CCDC149: variants seen among roughly 807,000 people sequenced by gnomAD.
CCDC149 encodes coiled-coil domain containing 149.
CCDC149 carries 45 observed loss-of-function variants against 59.9 expected under a neutral mutation model. That is an observed-to-expected ratio of 0.75 (90% CI 0.59 to 0.96). CCDC149 has a LOEUF of 0.96. Among genes scored for constraint, CCDC149 ranks in the 40% least tolerant of loss-of-function variants. The probability of loss-of-function intolerance (pLI) is 0.00; values close to 1 mark genes in which losing one functional copy is unlikely to be tolerated. For missense variants in CCDC149, 584 were observed against 664.7 expected (o/e 0.88, Z 1.33); for synonymous variants, 245 against 260.6 (o/e 0.94, Z 0.58).
At chr4:24,928,066 T>C (rs1185764292) in intron 1 of CCDC149, among the ~76,000 whole-genome samples, 5 of 152,246 alleles carry the variant, frequency 3.3e-5, no homozygotes, top group Non-Finnish European at 7.3e-5. Context: ...TTCGCTGTGA[T>C]TGAGCATTAG....
chr4:24,838,284 A>G lies in CCDC149; in HGVS notation c.373-12T>C. On this transcript the variant is annotated splice_polypyrimidine_tract_variant and intron_variant, in intron 4 of 12. Coordinates refer to ENST00000635206, the MANE Select transcript of CCDC149 (RefSeq NM_001330643.2). ...GTCATCCTCAAGAGCTGCATTTTCC[A>G]TTGGTAGAAAAAGAAAAAGGCACAG... is the stretch of plus-strand genomic sequence containing the variant. 1.2e-6 allele frequency: 2 copies of G among 1,601,774 alleles called. No individual in the cohort carries two copies. The highest frequency in any genetic ancestry group is 1.7e-6 in the Non-Finnish European group (2 of 1,168,768).
chr4:24,935,875 A>G (rs1233983041), intron 1 of CCDC149, among the ~76,000 whole-genome samples: 1 of 152,148 alleles, frequency 6.6e-6, no homozygotes, highest in Non-Finnish European at 1.5e-5. Context: ...AAACCATGAA[A>G]CTGAACGGAA....
intron 2 of CCDC149, 97 bp from the exon 3 acceptor site, chr4:24,873,816 T>TGGCCCCCCCCCCCC: frequency 1.3e-6 from 1 of 762,728 alleles, no homozygotes. Context: ...ATGTAGACTC[T>TGGCCCCCCCCCCCC]CCCCACCCTC....
chr4:24,895,266 G>C, intron 1 of CCDC149: 1 of 573,746 alleles, frequency 1.7e-6, no homozygotes, highest in African/African-American at 1.9e-5. Context: ...ACTTGCTCTG[G>C]GTGGTGGTTA....
At chr4:24,918,393 G>A (rs1722192265) in intron 1 of CCDC149, among the ~76,000 whole-genome samples, 1 of 152,166 alleles carries the variant, frequency 6.6e-6, no homozygotes, top group Non-Finnish European at 1.5e-5. Flanking sequence ...CAGAACATCG[G>A]ATGTTGATTT....
At chr4:24,900,697 T>C (rs1328060951) in intron 1 of CCDC149, among the ~76,000 whole-genome samples, 1 of 152,176 alleles carries the variant, frequency 6.6e-6, no homozygotes, top group African/African-American at 2.4e-5. Context: ...AGGATCACAG[T>C]TTAAGCCAAG....
chr4:24,956,018 G>A (rs1294643109), intron 1 of CCDC149, among the ~76,000 whole-genome samples: 1 of 152,158 alleles, frequency 6.6e-6, no homozygotes, highest in African/African-American at 2.4e-5. Flanking sequence ...TAAGGAGATG[G>A]CAGAAAGTTT....
intron 1 of CCDC149, among the ~76,000 whole-genome samples, chr4:24,958,673 T>G (rs1233194292): frequency 6.6e-6 from 1 of 152,076 alleles, no homozygotes. Context: ...TCATGGATGA[T>G]TCGATATTGC....
At chr4:24,838,926 C>T (rs993716474) in intron 4 of CCDC149, among the ~76,000 whole-genome samples, 5 of 151,660 alleles carry the variant, frequency 3.3e-5, no homozygotes, top group Non-Finnish European at 5.9e-5. Context: ...GATAACAAGT[C>T]TATGATGCCA....
intron 1 of CCDC149, among the ~76,000 whole-genome samples, chr4:24,886,056 T>C (rs1156849247): frequency 4.6e-5 from 7 of 152,316 alleles, no homozygotes; most frequent in East Asian, 3.9e-4. Context: ...GAGAAGGACA[T>C]AGAACCTCAA....
chr4:24,963,233 T>C (rs1388124172), intron 1 of CCDC149, among the ~76,000 whole-genome samples: 1 of 151,914 alleles, frequency 6.6e-6, no homozygotes, highest in African/African-American at 2.4e-5. Context: ...CTGGTGGGAG[T>C]AGGAACACCA....
intron 1 of CCDC149, among the ~76,000 whole-genome samples, chr4:24,878,216 T>TTTA (rs747555358): frequency 8.0e-6 from 1 of 125,150 alleles, no homozygotes; most frequent in African/African-American, 3.1e-5. Flanking sequence ...TTTTTTTTCC[T>TTTA]AAAAAAAAAA....
chr4:24,851,697 G>T (rs1341838292), intron 4 of CCDC149, among the ~76,000 whole-genome samples: 1 of 152,192 alleles, frequency 6.6e-6, no homozygotes, highest in African/African-American at 2.4e-5. Context: ...ATTTTCATGG[G>T]CTTAAAGAAA....
Position 24,808,742 on chromosome 4 carries a change from G to C in CCDC149, c.1270C>G (p.Pro424Ala), listed in dbSNP as rs1207086029. 1 of 1,551,876 alleles carries C rather than the reference G, an allele frequency of 6.4e-7. No individual in the cohort carries two copies. The highest frequency in any genetic ancestry group is 8.7e-7 in the Non-Finnish European group (1 of 1,147,052). ...TGATTTGCTGGGGAGTTGACAGCGG[G>C]CCTCCCAGCATCCTCAGGCGCTGTC... Residue 424 changes from proline (P) to alanine (A), a missense_variant, in exon 13 of 13, where the codon CCC becomes GCC. Coordinates refer to ENST00000635206, the MANE Select transcript of CCDC149 (RefSeq NM_001330643.2).
At chr4:24,976,662 G>A (rs1217794170) in intron 1 of CCDC149, among the ~76,000 whole-genome samples, 2 of 152,150 alleles carry the variant, frequency 1.3e-5, no homozygotes, top group Non-Finnish European at 2.9e-5. Flanking sequence ...GCAGTGAGCC[G>A]AGATCGTGCC....
chr4:24,909,256 A>ACAGCACC (rs1223728520), intron 1 of CCDC149, among the ~76,000 whole-genome samples: 1 of 152,124 alleles, frequency 6.6e-6, no homozygotes, highest in African/African-American at 2.4e-5. Flanking sequence ...AGGGTGGGAG[A>ACAGCACC]CAGCACCCAG....
intron 3 of CCDC149, among the ~76,000 whole-genome samples, chr4:24,861,108 T>A (rs1020567981): frequency 6.6e-6 from 1 of 152,164 alleles, no homozygotes; most frequent in East Asian, 1.9e-4. Flanking sequence ...AATCCCACTA[T>A]TGGGTATCTA....
At chr4:24,935,052 G>A (rs1722699672) in intron 1 of CCDC149, among the ~76,000 whole-genome samples, 2 of 152,172 alleles carry the variant, frequency 1.3e-5, no homozygotes, top group South Asian at 4.1e-4. Flanking sequence ...GAAAGAAGGA[G>A]GATAGGTGGG....
intron 9 of CCDC149, 143 bp downstream of exon 9, chr4:24,831,363 C>T: frequency 1.3e-6 from 1 of 770,540 alleles, no homozygotes; most frequent in Non-Finnish European, 2.1e-6. Flanking sequence ...AAGCACCATT[C>T]TAGTTTAATA....
Sources: gnomAD v4.1 joint callset for allele counts (sites outside exome capture counted in the v4.1 genomes callset) on GRCh38, gnomAD v4.1.1 for gene constraint, MANE v1.5 for transcripts, NCBI Gene and HGNC (gene_info 2026-07-23, HGNC 2026-07-21) for gene names.